IL1R2: variants seen among roughly 807,000 people sequenced by gnomAD.
IL1R2 encodes the protein interleukin-1 receptor type 2.
Under a neutral mutation model 39.5 loss-of-function variants are expected in IL1R2, and 46 were observed. The ratio of observed to expected loss-of-function variants is 1.16; its 90% CI spans 0.92 to 1.49. The LOEUF (loss-of-function observed/expected upper bound fraction) is 1.49. IL1R2 is among the 40% of genes most tolerant of loss of function. The probability of loss-of-function intolerance (pLI) is 0.00; values close to 1 mark genes in which losing one functional copy is unlikely to be tolerated. For missense variants in IL1R2, 537 were observed against 502.0 expected (o/e 1.07, Z -0.67); for synonymous variants, 207 against 189.6 (o/e 1.09, Z -0.75).
chr2:102,024,250 A>G (rs181855463), intron 6 of IL1R2, among the ~76,000 whole-genome samples: 43 of 152,272 alleles, frequency 2.8e-4, no homozygotes, highest in African/African-American at 1.0e-3. Flanking sequence ...GCTTGAATTT[A>G]GCATGTCCCG....
At chr2:102,017,388 C>T (rs1184337015) in intron 4 of IL1R2, among the ~76,000 whole-genome samples, 2 of 137,148 alleles carry the variant, frequency 1.5e-5, no homozygotes, top group Non-Finnish European at 3.1e-5. Flanking sequence ...CACAGTGAGA[C>T]TCCATCTCAG....
At chr2:102,006,253 G>T (rs1431864122) in intron 1 of IL1R2, among the ~76,000 whole-genome samples, 1 of 152,202 alleles carries the variant, frequency 6.6e-6, no homozygotes, top group Non-Finnish European at 1.5e-5. Context: ...GCAGCTTGGT[G>T]GATGTTTATG....
In IL1R2 at chr2:102,019,722, G is replaced by T. The variant is rs760597900; in HGVS notation, c.598G>T (p.Glu200Ter). ...CTTACTCGTACACGATGTGGCCCTG[G>T]AAGATGCTGGCTATTACCGCTGTGT... Reference protein sequence around the residue: ...THLLVHDVALEDAGYYRCVLT... With the variant: ...THLLVHDVAL Residue 200 changes from glutamate to a stop codon, truncating the protein, a stop_gained, in exon 5 of 9, where the codon GAA becomes TAA. Coordinates refer to ENST00000332549, the MANE Select transcript of IL1R2 (RefSeq NM_004633.4). LOFTEE classifies it high-confidence loss of function. The T allele has an allele frequency of 1.9e-6, 3 of 1,613,934 alleles. No individual in the cohort carries two copies. In the African/African-American group the frequency reaches 4.0e-5, roughly 22 times the overall value.
rs1350530352 is a variant in IL1R2, at chr2:102,028,250, T to C, written c.1055T>C (p.Ile352Thr). ...GCCTCCTCCACGTTCTCCTGGGGCA[T>C]TGTGCTGGCCCCACTTTCACTGGCC... is the stretch of plus-strand genomic sequence containing the variant. ...KEASSTFSWGIVLAPLSLAFL... is the reference protein window; with the variant it reads ...KEASSTFSWGTVLAPLSLAFL... The change falls in exon 9 of 9, where the codon ATT becomes ACT. Residue 352 changes from isoleucine to threonine, a missense_variant. By Grantham distance (89) the Ile-to-Thr change is moderately conservative (BLOSUM62 -1). Transcript: ENST00000332549. The C allele has an allele frequency of 1.2e-6, 2 of 1,610,972 alleles. No individual in the cohort carries two copies. The highest frequency in any genetic ancestry group is 1.7e-6 in the Non-Finnish European group (2 of 1,178,580).
chr2:102,001,175 C>T (rs1010926415), intron 1 of IL1R2, among the ~76,000 whole-genome samples: 2 of 152,162 alleles, frequency 1.3e-5, no homozygotes, highest in African/African-American at 2.4e-5. Flanking sequence ...TTTGAATGAG[C>T]GAAAACATGA....
chr2:102,010,570 TGTCTAA>T (rs1335638921), intron 3 of IL1R2, among the ~76,000 whole-genome samples: 8 of 125,674 alleles, frequency 6.4e-5, no homozygotes, highest in Admixed American at 2.4e-4. Context: ...AGCGAGACTC[TGTCTAA>T]AAAAAAAAAA....
At position 101,994,521 on chromosome 2, in the gene IL1R2, C is replaced by T. The variant is rs186607320; in HGVS notation, c.-62+2510C>T. Among the ~76,000 whole-genome samples, 90 of 152,344 alleles carry T rather than the reference C, an allele frequency of 5.9e-4. No homozygotes were observed. The Middle Eastern group carries it at 0.01, about 17-fold the overall frequency. On this transcript the variant is annotated intron_variant, in intron 1 of 8. Transcript: ENST00000332549. ...GGTGGGCTTATGAAAATGCAGAGGG[C>T]TGAATGTCTGATTCAGTAAGTCCTG...
At chr2:102,021,305 C>CTTTTTTTTTTT (rs546019141) in intron 5 of IL1R2, among the ~76,000 whole-genome samples, 5 of 122,846 alleles carry the variant, frequency 4.1e-5, no homozygotes, top group South Asian at 2.6e-4. Context: ...CTTTTCTTTT[C>CTTTTTTTTTTT]TTTTTTTTTT....
At chr2:101,994,259 G>A (rs11886877) in intron 1 of IL1R2, among the ~76,000 whole-genome samples, 31,542 of 151,510 alleles carry the variant, frequency 0.21, 4,166 homozygotes, top group African/African-American at 0.37. Context: ...CTCCCACCCC[G>A]ACCTCCAAAG....
chr2:102,002,590 G>A (rs146839489), intron 1 of IL1R2, among the ~76,000 whole-genome samples: 23 of 150,700 alleles, frequency 1.5e-4, no homozygotes, highest in South Asian at 6.3e-4. Flanking sequence ...TTATGTCTGC[G>A]TCTGTGTCTG....
At chr2:102,026,628 C>A (rs370643576) in intron 8 of IL1R2, among the ~76,000 whole-genome samples, 8 of 152,224 alleles carry the variant, frequency 5.3e-5, no homozygotes, top group African/African-American at 1.9e-4. Context: ...AAACTTCATC[C>A]TCTAAGAGCT....
At chr2:101,996,265 C>T (rs946201631) in intron 1 of IL1R2, among the ~76,000 whole-genome samples, 1 of 152,090 alleles carries the variant, frequency 6.6e-6, no homozygotes, top group African/African-American at 2.4e-5. Flanking sequence ...GCTGGCCAGG[C>T]ATCTGACAGC....
intron 3 of IL1R2, among the ~76,000 whole-genome samples, chr2:102,011,323 A>G (rs1280010301): frequency 1.3e-5 from 2 of 152,234 alleles, no homozygotes; most frequent in African/African-American, 4.8e-5. Flanking sequence ...ACTGTTTTCC[A>G]TAGTGGCTGT....
chr2:102,010,767 A>G (rs989890915), intron 3 of IL1R2, among the ~76,000 whole-genome samples: 10 of 152,058 alleles, frequency 6.6e-5, no homozygotes, highest in Admixed American at 6.5e-5. Flanking sequence ...AAATACACAT[A>G]ACAAAAAATT....
intron 3 of IL1R2, among the ~76,000 whole-genome samples, chr2:102,014,640 C>CT (rs1020835606): frequency 2.0e-5 from 3 of 151,528 alleles, no homozygotes; most frequent in Non-Finnish European, 1.5e-5. Flanking sequence ...TTTCTTTCAC[C>CT]TTTTTTTTAC....
At chr2:102,011,248 T>G (rs1045391032) in intron 3 of IL1R2, among the ~76,000 whole-genome samples, 1 of 152,256 alleles carries the variant, frequency 6.6e-6, no homozygotes, top group Non-Finnish European at 1.5e-5. Flanking sequence ...CTTCTGGGTA[T>G]AGACCCCAAA....
chr2:102,008,508 C>A lies in IL1R2; in HGVS notation c.-61-7C>A. The A allele has an allele frequency of 7.8e-7, 1 of 1,282,266 alleles. No individual in the cohort carries two copies. Among genetic ancestry groups the A allele is most frequent in the Non-Finnish European group, 1.1e-6 (1 of 877,806 alleles). 79.4% of individuals were successfully genotyped at this position (1,282,266 alleles called of 1,614,324 possible). On this transcript the variant is annotated splice_region_variant and splice_polypyrimidine_tract_variant and intron_variant, in intron 1 of 8. Transcript: ENST00000332549. ...GTTCCTGGTGACACCTCTGTTTCCT[C>A]CCCTAGGCCACGTGCTGCTGGGTCT...
rs181440583 is a variant in IL1R2 at position 102,006,642 on chromosome 2, G to A, written c.-61-1873G>A. On this transcript the variant is annotated intron_variant, in intron 1 of 8. Transcript: ENST00000332549. ...CCTGGATTCATTCACAACTCCTGCC[G>A]TGGGCAGGCTTTTAGTCATAAGTAT... Among the ~76,000 whole-genome samples the A allele has an allele frequency of 2.9e-3, 441 of 152,298 alleles. 3 individuals are homozygous for A. Among genetic ancestry groups the A allele is most frequent in the African/African-American group, 0.01 (416 of 41,568 alleles).
intron 2 of IL1R2, among the ~76,000 whole-genome samples, chr2:102,008,862 A>AG (rs1676438600): frequency 6.7e-6 from 1 of 149,116 alleles, no homozygotes; most frequent in African/African-American, 2.5e-5. Context: ...GTCTCTACAA[A>AG]AAAAAAAAAA....
Sources: gnomAD v4.1 joint callset for allele counts (sites outside exome capture counted in the v4.1 genomes callset) on GRCh38, gnomAD v4.1.1 for gene constraint, MANE v1.5 for transcripts, NCBI Gene and HGNC (gene_info 2026-07-23, HGNC 2026-07-21) for gene names.